The following RBFOX3 variants were observed in gnomAD, a reference collection of about 807,000 sequenced individuals.
RBFOX3 encodes RNA binding fox-1 homolog 3, also known as RNA binding protein fox-1 homolog 3.
RBFOX3 carries 17 observed loss-of-function variants against 48.7 expected under a neutral mutation model. The ratio of observed to expected loss-of-function variants is 0.35; its 90% confidence interval spans 0.24 to 0.52. The LOEUF is 0.52. Among genes scored for constraint, RBFOX3 ranks in the 20% least tolerant of loss-of-function variants. The pLI, the probability that RBFOX3 is intolerant of heterozygous loss-of-function variation, is 0.94. For missense variants in RBFOX3, 382 were observed against 497.5 expected, an observed-to-expected ratio of 0.77 and a Z score of 2.21; for synonymous variants, 212 against 209.5, an observed-to-expected ratio of 1.01 and a Z score of -0.10.
At chr17:79,653,259 G>T in the RBFOX3 span, among the ~76,000 whole-genome samples, 1 of 152,116 alleles carries the variant, frequency 6.6e-6, no homozygotes, top group African/African-American at 2.4e-5. Flanking sequence ...GAGCCCTGCA[G>T]CTGCCTTAAC....
At chr17:79,342,384 T>C (rs2082242645) in intron 2 of RBFOX3, among the ~76,000 whole-genome samples, 1 of 152,236 alleles carries the variant, frequency 6.6e-6, no homozygotes. Context: ...TGGTGGATGT[T>C]GGTCAGAGTC....
chr17:79,335,042 C>A (rs1459028197), intron 2 of RBFOX3, among the ~76,000 whole-genome samples: 1 of 152,222 alleles, frequency 6.6e-6, no homozygotes, highest in East Asian at 1.9e-4. Flanking sequence ...CTGCCTGGAG[C>A]CTCACTAGGG....
intron 3 of RBFOX3, among the ~76,000 whole-genome samples, chr17:79,266,396 C>G (rs2066712003): frequency 6.6e-6 from 1 of 152,228 alleles, no homozygotes; most frequent in Admixed American, 6.5e-5. Context: ...CCCATCTCAT[C>G]CAGCTGTGCT....
intron 3 of RBFOX3, among the ~76,000 whole-genome samples, chr17:79,290,589 T>A (rs529759131): frequency 2.6e-5 from 4 of 152,164 alleles, no homozygotes; most frequent in African/African-American, 9.6e-5. Context: ...GAGCTAGCAG[T>A]TAGCAAATGG....
At chr17:79,643,013 G>T in the RBFOX3 span, among the ~76,000 whole-genome samples, 6 of 152,114 alleles carry the variant, frequency 3.9e-5, no homozygotes, top group Non-Finnish European at 7.4e-5. Context: ...GAGCTGGGAG[G>T]ATCGCTCAAG....
intron 1 of RBFOX3, among the ~76,000 whole-genome samples, chr17:79,550,378 G>A (rs1423131069): frequency 2.6e-5 from 4 of 152,234 alleles, no homozygotes; most frequent in East Asian, 1.9e-4. Context: ...GGCTAAACTG[G>A]TACAGTAAAA....
chr17:79,267,483 T>C (rs150131175), intron 3 of RBFOX3, among the ~76,000 whole-genome samples: 3,289 of 152,242 alleles, frequency 0.022, 41 homozygotes, highest in Non-Finnish European at 0.03. Flanking sequence ...CTCCACCTCC[T>C]GGGTTCAAGT....
At chr17:79,611,072 C>G (rs2093958966), upstream of RBFOX3, among the ~76,000 whole-genome samples, 2 of 150,160 alleles carry the variant, frequency 1.3e-5, no homozygotes, top group African/African-American at 4.9e-5. Flanking sequence ...CAGCCCCGCG[C>G]TCGCTCTTCC....
intron 2 of RBFOX3, among the ~76,000 whole-genome samples, chr17:79,385,781 G>A (rs2060481292): frequency 6.6e-6 from 1 of 151,908 alleles, no homozygotes; most frequent in African/African-American, 2.4e-5. Context: ...TACAGAAGGA[G>A]CTCCATTACT....
chr17:79,244,129 G>GT (rs2062792936), intron 3 of RBFOX3, among the ~76,000 whole-genome samples: 1 of 152,212 alleles, frequency 6.6e-6, no homozygotes, highest in African/African-American at 2.4e-5. Flanking sequence ...CTTTGCAAAT[G>GT]TAATTAGTGA....
chr17:79,402,755 G>A (rs994709820), intron 2 of RBFOX3, among the ~76,000 whole-genome samples: 4 of 152,204 alleles, frequency 2.6e-5, no homozygotes, highest in Non-Finnish European at 5.9e-5. Context: ...TTCAGAGCAC[G>A]GGTTTGGAGT....
intron 4 of RBFOX3, among the ~76,000 whole-genome samples, chr17:79,197,827 G>C (rs546564135): frequency 6.6e-6 from 1 of 152,172 alleles, no homozygotes; most frequent in Admixed American, 6.5e-5. Context: ...GAGGGACGGA[G>C]AAAACACCAA....
chr17:79,474,237 C>A (rs1463669264), intron 2 of RBFOX3, among the ~76,000 whole-genome samples: 1 of 152,208 alleles, frequency 6.6e-6, no homozygotes, highest in Admixed American at 6.5e-5. Flanking sequence ...TGACTCACGT[C>A]CCTGGTGGCC....
At chr17:79,221,296 G>C (rs2059701162) in intron 4 of RBFOX3, among the ~76,000 whole-genome samples, 1 of 152,380 alleles carries the variant, frequency 6.6e-6, no homozygotes, top group East Asian at 1.9e-4. Context: ...CCTGCTCTTT[G>C]AATAGACAAA....
the RBFOX3 span, among the ~76,000 whole-genome samples, chr17:79,650,931 C>G: frequency 6.6e-6 from 1 of 152,198 alleles, no homozygotes; most frequent in Non-Finnish European, 1.5e-5. Context: ...GTGACAGGGT[C>G]CTGGCCTTTA....
At chr17:79,389,765 G>A (rs761149039) in intron 2 of RBFOX3, among the ~76,000 whole-genome samples, 1 of 152,228 alleles carries the variant, frequency 6.6e-6, no homozygotes, top group Non-Finnish European at 1.5e-5. Flanking sequence ...CCAGTGCTCA[G>A]TGGTTCATCA....
chr17:79,485,380 G>A (rs977464693), intron 1 of RBFOX3, among the ~76,000 whole-genome samples: 3 of 152,134 alleles, frequency 2.0e-5, no homozygotes, highest in Admixed American at 6.5e-5. Context: ...TTGAAGGAGA[G>A]GGGGAGGAAT....
intron 2 of RBFOX3, among the ~76,000 whole-genome samples, chr17:79,460,961 C>G (rs1172047059): frequency 2.6e-5 from 4 of 152,154 alleles, no homozygotes; most frequent in Non-Finnish European, 4.4e-5. Context: ...AACCTCCATG[C>G]CTTTGCTCTG....
intron 3 of RBFOX3, among the ~76,000 whole-genome samples, chr17:79,277,220 G>C (rs748109998): frequency 6.7e-6 from 1 of 148,164 alleles, no homozygotes; most frequent in Non-Finnish European, 1.5e-5. Context: ...GGCACAGCCT[G>C]GTTCTGCCCC....
Sources: allele counts gnomAD v4.1 joint callset (sites outside exome capture counted in the v4.1 genomes callset), GRCh38; gene constraint gnomAD v4.1.1; transcripts MANE v1.5; gene names NCBI Gene and HGNC (gene_info 2026-07-23, HGNC 2026-07-21).